The following RAPGEF2 variants were observed in gnomAD, a reference collection of about 807,000 sequenced individuals.
The protein encoded by RAPGEF2 is PDZ domain containing guanine nucleotide exchange factor (GEF) 1.
In RAPGEF2, 54 loss-of-function variants were observed where a neutral mutation model predicts 186.7. The observed-to-expected ratio is 0.29, with a 90% CI of 0.23 to 0.36. The LOEUF (loss-of-function observed/expected upper bound fraction) is 0.36, where lower values mean the gene tolerates loss of function less well. Among genes scored for constraint, RAPGEF2 ranks in the 10% least tolerant of loss-of-function variants. The pLI, the probability that RAPGEF2 is intolerant of heterozygous loss-of-function variation, is 1.00. For synonymous variants in RAPGEF2, 712 were observed against 705.9 expected (o/e 1.01, Z -0.14); for missense variants, 1,532 against 2,045.0 (o/e 0.75, Z 4.84).
chr4:159,136,960 C>G (rs1211683261), intron 1 of RAPGEF2, among the ~76,000 whole-genome samples: 1 of 152,130 alleles, frequency 6.6e-6, no homozygotes, highest in East Asian at 1.9e-4. Context: ...GCTTCCTGTC[C>G]TTAATGGCCA....
At chr4:159,320,615 A>C (rs1374453773) in intron 9 of RAPGEF2, among the ~76,000 whole-genome samples, 1 of 152,076 alleles carries the variant, frequency 6.6e-6, no homozygotes, top group Non-Finnish European at 1.5e-5. Context: ...TGTAATGAAA[A>C]GTCTTATATA....
At chr4:159,274,504 C>T (rs1231624316) in intron 7 of RAPGEF2, among the ~76,000 whole-genome samples, 3 of 151,968 alleles carry the variant, frequency 2.0e-5, no homozygotes, top group African/African-American at 7.3e-5. Context: ...TATACGTGTG[C>T]GTGTATAAGT....
intron 7 of RAPGEF2, among the ~76,000 whole-genome samples, chr4:159,251,853 G>T (rs7669772): frequency 1.3e-5 from 2 of 151,422 alleles, no homozygotes; most frequent in African/African-American, 4.9e-5. Flanking sequence ...CCAGTTTGCC[G>T]CCGCGATCTG....
In RAPGEF2 at chr4:159,180,435, A is replaced by G. The variant is rs1269081955; in HGVS notation, c.70-6207A>G. ...GCCTGCCACTCCTGTTAATACAACT[A>G]AGAAGTCTCAAGTTTACATGGAGTC... is the stretch of plus-strand genomic sequence containing the variant. On this transcript the variant is annotated intron_variant, in intron 1 of 29. Coordinates refer to ENST00000691494, the MANE Select transcript of RAPGEF2 (RefSeq NM_001394067.2). 2.0e-5 allele frequency among the ~76,000 whole-genome samples: 3 copies of G among 152,170 alleles called. No homozygotes were observed. The East Asian group carries it at 5.8e-4, about 29-fold the overall frequency.
chr4:159,337,379 G>T (rs1404801245), intron 17 of RAPGEF2, among the ~76,000 whole-genome samples: 3 of 151,874 alleles, frequency 2.0e-5, no homozygotes, highest in African/African-American at 7.3e-5. Flanking sequence ...TTTTCCTCCT[G>T]TTTTCATTTT....
intron 1 of RAPGEF2, among the ~76,000 whole-genome samples, chr4:159,167,393 G>C (rs1228795398): frequency 1.3e-5 from 2 of 152,180 alleles, no homozygotes; most frequent in African/African-American, 4.8e-5. Flanking sequence ...CAGTTGTAAA[G>C]ATAGGCTGAG....
At chr4:159,283,339 G>A (rs1200218955) in intron 7 of RAPGEF2, among the ~76,000 whole-genome samples, 1 of 151,954 alleles carries the variant, frequency 6.6e-6, no homozygotes, top group Non-Finnish European at 1.5e-5. Context: ...CAAAATTTAA[G>A]TTATATCTAC....
chr4:159,246,525 C>G (rs1222677001), intron 7 of RAPGEF2, among the ~76,000 whole-genome samples: 3 of 152,096 alleles, frequency 2.0e-5, no homozygotes. Flanking sequence ...CCTTAAATAT[C>G]TCTGAAGTCA....
chr4:159,282,868 G>T (rs890918278), intron 7 of RAPGEF2, among the ~76,000 whole-genome samples: 2 of 152,088 alleles, frequency 1.3e-5, no homozygotes, highest in Non-Finnish European at 2.9e-5. Context: ...TAAATGCTGC[G>T]TTCTTTTAAG....
intron 10 of RAPGEF2, 49 bp from the exon 11 acceptor site, chr4:159,323,410 G>A (rs1214938558): frequency 1.4e-6 from 2 of 1,461,926 alleles, no homozygotes; most frequent in South Asian, 1.5e-5. Context: ...ACTTACAGCT[G>A]TATGATCATG....
chr4:159,156,377 AAAG>A (rs1744120054), intron 1 of RAPGEF2, among the ~76,000 whole-genome samples: 1 of 152,222 alleles, frequency 6.6e-6, no homozygotes, highest in African/African-American at 2.4e-5. Context: ...TAAAAAAAGA[AAAG>A]AATCTCTGTT....
chr4:159,339,348 G>A lies in RAPGEF2; in HGVS notation c.2528G>A (p.Ser843Asn). 1.2e-6 allele frequency: 2 copies of A among 1,613,534 alleles called. No individual in the cohort carries two copies. The highest frequency in any genetic ancestry group is 8.5e-7 in the Non-Finnish European group (1 of 1,179,760). The change falls in exon 19 of 30, where the codon AGT becomes AAT. Residue 843 changes from serine to asparagine, a missense_variant. By Grantham distance (46) the Ser-to-Asn change is conservative (BLOSUM62 1). This residue lies in a region of RAPGEF2 where 810 missense variants were observed against 1,210.5 expected (regional missense o/e 0.67). Transcript: ENST00000691494. ...AAACTTGCAGACAGAATACAACTGA[G>A]TGGAAGGTATATATTATCTACCTTA... ...LSKLADRIQL[S>N]GRYYLKNNME...
intron 19 of RAPGEF2, among the ~76,000 whole-genome samples, chr4:159,339,803 C>G (rs1339952080): frequency 2.0e-5 from 3 of 152,202 alleles, no homozygotes. Flanking sequence ...CTAGGAGCTT[C>G]CTTAGTTTAG....
Position 159,198,256 on chromosome 4 carries a change from CTTTCT to C in RAPGEF2, c.197+5001_197+5005del, listed in dbSNP as rs1561074246. Among the ~76,000 whole-genome samples, 331 of 97,320 alleles carry C rather than the reference CTTTCT, an allele frequency of 3.4e-3. 4 individuals carry two copies. Among genetic ancestry groups the C allele is most frequent in the African/African-American group, 0.013 (278 of 21,670 alleles). The allele number at this position is 97,320 out of a possible 152,430, so 63.8% of individuals were successfully genotyped here. A position where few individuals can be genotyped will look rare whatever the true frequency, so the allele number is the denominator to read the frequency against. ...CTTTTCTTTCTTTCTTCCTTTCTTT[CTTTCT>C]CTTTCTTTCCTTCTTTCTTTCTTTC... On this transcript the variant is annotated intron_variant, in intron 3 of 29. Transcript: ENST00000691494.
chr4:159,230,399 A>G (rs1295747504), intron 4 of RAPGEF2, among the ~76,000 whole-genome samples: 1 of 152,224 alleles, frequency 6.6e-6, no homozygotes, highest in Non-Finnish European at 1.5e-5. Context: ...ACACATATAC[A>G]CACAAAGACT....
chr4:159,106,835 A>C (rs1311283085), intron 1 of RAPGEF2, among the ~76,000 whole-genome samples: 2 of 152,196 alleles, frequency 1.3e-5, no homozygotes, highest in Non-Finnish European at 2.9e-5. Context: ...TCATTGGTGT[A>C]ACCTAAGAAG....
rs934396814 is a variant in RAPGEF2, at chr4:159,352,586, A to G, written c.3866-99A>G. On this transcript the variant is annotated intron_variant, in intron 26 of 29. Transcript: ENST00000691494. ...GGGTTTTTCTCCCCACTTAAGAGAT[A>G]TCTATGCCTGCATTTTATTTTTGCT... is the stretch of plus-strand genomic sequence containing the variant. The G allele has an allele frequency of 2.8e-5, 26 of 921,748 alleles. No individual in the cohort carries two copies. In the African/African-American group the frequency reaches 4.1e-4, roughly 15 times the overall value. The allele number at this position is 921,748 out of a possible 1,614,324, so 57.1% of individuals were successfully genotyped here. A position where few individuals can be genotyped will look rare whatever the true frequency, so the allele number is the denominator to read the frequency against.
intron 3 of RAPGEF2, among the ~76,000 whole-genome samples, chr4:159,202,790 C>T (rs997736836): frequency 2.6e-5 from 4 of 152,020 alleles, no homozygotes; most frequent in African/African-American, 9.7e-5. Context: ...TTAGTAGAGA[C>T]GGGGTTTCAC....
chr4:159,287,675 A>G (rs890331277), intron 7 of RAPGEF2, among the ~76,000 whole-genome samples: 1 of 152,154 alleles, frequency 6.6e-6, no homozygotes, highest in Non-Finnish European at 1.5e-5. Flanking sequence ...ATTCCAAGTT[A>G]CTTTTCCTTC....
Sources: allele counts gnomAD v4.1 joint callset (sites outside exome capture counted in the v4.1 genomes callset), GRCh38; gene constraint gnomAD v4.1.1; regional missense constraint gnomAD v4.1.1; transcripts MANE v1.5; gene names NCBI Gene and HGNC (gene_info 2026-07-23, HGNC 2026-07-21).